STIM1: variants seen among roughly 807,000 people sequenced by gnomAD.
The protein encoded by STIM1 is stromal interaction molecule 1.
Under a neutral mutation model 74.7 loss-of-function variants are expected in STIM1, and 25 were observed. That is an observed-to-expected ratio of 0.33 (90% CI 0.24 to 0.47). STIM1 has a LOEUF of 0.47. STIM1 is among the 20% of genes least tolerant of loss of function. The pLI is 1.00. For missense variants in STIM1, 728 were observed against 920.8 expected (o/e 0.79, Z 2.71); for synonymous variants, 328 against 348.8 (o/e 0.94, Z 0.66).
At position 4,092,034 on chromosome 11, in the gene STIM1, C is replaced by G; in HGVS notation, c.*236C>G. The G allele has an allele frequency of 1.7e-6, 1 of 598,630 alleles. No individual in the cohort carries two copies. The highest frequency in any genetic ancestry group is 3.0e-6 in the Non-Finnish European group (1 of 336,810). 37.1% of individuals were successfully genotyped at this position (598,630 alleles called of 1,614,324 possible). A position where few individuals can be genotyped will look rare whatever the true frequency, so the allele number is the denominator to read the frequency against. On this transcript the variant is annotated 3_prime_UTR_variant, in exon 13 of 13. Coordinates refer to ENST00000526596, the MANE Select transcript of STIM1 (RefSeq NM_001382567.1). The stretch of plus-strand genomic sequence containing the variant: ...CGTCCCAACCATGGGCTGCTGCTGT[C>G]ACTCCCTCTCCACTTCAGTGCATGT...
chr11:4,028,673 G>A (rs555422107), intron 3 of STIM1, among the ~76,000 whole-genome samples: 6 of 150,450 alleles, frequency 4.0e-5, no homozygotes, highest in Admixed American at 4.0e-4. Context: ...GCCTTCCAAA[G>A]TTCTAGGATT....
intron 1 of STIM1, among the ~76,000 whole-genome samples, chr11:3,871,145 G>T (rs1237317122): frequency 6.6e-6 from 1 of 152,052 alleles, no homozygotes; most frequent in Non-Finnish European, 1.5e-5. Flanking sequence ...GGGATTACAG[G>T]CGTGAGCCAC....
At chr11:3,883,572 C>T (rs1269939730) in intron 1 of STIM1, among the ~76,000 whole-genome samples, 1 of 152,154 alleles carries the variant, frequency 6.6e-6, no homozygotes, top group African/African-American at 2.4e-5. Flanking sequence ...AGGCTGGTCT[C>T]GAACTCCTGA....
chr11:4,013,949 C>T (rs1012689827), intron 2 of STIM1, among the ~76,000 whole-genome samples: 5 of 151,804 alleles, frequency 3.3e-5, no homozygotes, highest in East Asian at 1.9e-4. Flanking sequence ...CCTCGTGATC[C>T]GCCCGTGTTG....
At chr11:3,936,238 G>T (rs1473730813) in intron 1 of STIM1, among the ~76,000 whole-genome samples, 1 of 152,210 alleles carries the variant, frequency 6.6e-6, no homozygotes, top group Non-Finnish European at 1.5e-5. Flanking sequence ...AATCCATGCT[G>T]TGTGACTGCA....
intron 1 of STIM1, among the ~76,000 whole-genome samples, chr11:3,953,564 G>A (rs1420724704): frequency 6.6e-6 from 1 of 152,120 alleles, no homozygotes; most frequent in African/African-American, 2.4e-5. Flanking sequence ...ATCTGGTTCT[G>A]CCACTTCTTT....
intron 2 of STIM1, among the ~76,000 whole-genome samples, chr11:3,970,336 G>A (rs1264110137): frequency 6.6e-6 from 1 of 152,062 alleles, no homozygotes; most frequent in Non-Finnish European, 1.5e-5. Flanking sequence ...TGCTGGTCTA[G>A]GTTTGCATGA....
chr11:3,872,687 A>G (rs1175276201), intron 1 of STIM1, among the ~76,000 whole-genome samples: 2 of 151,204 alleles, frequency 1.3e-5, no homozygotes, highest in African/African-American at 4.9e-5. Context: ...ACGCCCGGCT[A>G]ATTTTTTGTA....
chr11:3,910,973 G>A (rs969120785), intron 1 of STIM1, among the ~76,000 whole-genome samples: 2 of 152,130 alleles, frequency 1.3e-5, no homozygotes, highest in Admixed American at 1.3e-4. Flanking sequence ...GCAACAGAGC[G>A]AGACAAACAG....
intron 1 of STIM1, among the ~76,000 whole-genome samples, chr11:3,927,765 A>C (rs776008921): frequency 6.6e-6 from 1 of 152,202 alleles, no homozygotes; most frequent in Non-Finnish European, 1.5e-5. Flanking sequence ...TGTTCTCGGC[A>C]TCAATCCCTG....
At chr11:3,971,694 C>A (rs1203304159) in intron 2 of STIM1, among the ~76,000 whole-genome samples, 2 of 152,220 alleles carry the variant, frequency 1.3e-5, no homozygotes, top group African/African-American at 4.8e-5. Flanking sequence ...CCTGCCAGGA[C>A]AAACCAATGT....
chr11:4,058,244 C>G (rs937847246), intron 4 of STIM1, among the ~76,000 whole-genome samples: 1 of 152,164 alleles, frequency 6.6e-6, no homozygotes, highest in Non-Finnish European at 1.5e-5. Flanking sequence ...AACTTATGAT[C>G]AGACAAATGA....
At chr11:3,927,822 C>A (rs750526) in intron 1 of STIM1, among the ~76,000 whole-genome samples, 2 of 152,146 alleles carry the variant, frequency 1.3e-5, no homozygotes, top group Non-Finnish European at 2.9e-5. Flanking sequence ...TTGATAAGTT[C>A]TTTTTCTCCT....
At chr11:3,866,582 A>G (rs2090866272) in intron 1 of STIM1, among the ~76,000 whole-genome samples, 1 of 152,064 alleles carries the variant, frequency 6.6e-6, no homozygotes, top group Admixed American at 6.5e-5. Context: ...GCGTGCCACC[A>G]TGCCCAGCTA....
intron 6 of STIM1, among the ~76,000 whole-genome samples, chr11:4,071,465 T>C (rs148643993): frequency 1.3e-5 from 2 of 152,232 alleles, no homozygotes; most frequent in African/African-American, 4.8e-5. Flanking sequence ...ATCCTCCTGC[T>C]TCAGCCTCCT....
Position 3,901,160 on chromosome 11 carries a change from G to A in STIM1, c.139+44751G>A, listed in dbSNP as rs7104387. Among the ~76,000 whole-genome samples, 1,265 of 152,178 alleles carry A rather than the reference G, an allele frequency of 8.3e-3. 9 individuals are homozygous for A. Among genetic ancestry groups the A allele is most frequent in the African/African-American group, 0.028 (1,159 of 41,518 alleles). On this transcript the variant is annotated intron_variant, in intron 1 of 12. Coordinates refer to ENST00000526596, the MANE Select transcript of STIM1 (RefSeq NM_001382567.1). ...CACACCACTGCACTCCAGCCTGGGC[G>A]ACAGAGAGAGACTCAGCCTCAAAAA...
At chr11:4,043,288 G>A (rs759327697) in intron 3 of STIM1, among the ~76,000 whole-genome samples, 3 of 152,132 alleles carry the variant, frequency 2.0e-5, no homozygotes, top group African/African-American at 4.8e-5. Flanking sequence ...TAAAAGGTCT[G>A]TTCCTTTCTA....
chr11:3,967,913 A>G (rs1212763521), intron 2 of STIM1, among the ~76,000 whole-genome samples: 1 of 152,114 alleles, frequency 6.6e-6, no homozygotes, highest in Admixed American at 6.5e-5. Flanking sequence ...CCCCCTGCCT[A>G]CTGGCTAGTT....
intron 1 of STIM1, among the ~76,000 whole-genome samples, chr11:3,891,060 A>G (rs1402517591): frequency 6.6e-6 from 1 of 152,226 alleles, no homozygotes; most frequent in Non-Finnish European, 1.5e-5. Context: ...GCTAATTGTT[A>G]TGATAAGAAA....
Sources: gnomAD v4.1 joint callset for allele counts (sites outside exome capture counted in the v4.1 genomes callset) on GRCh38, gnomAD v4.1.1 for gene constraint, MANE v1.5 for transcripts, NCBI Gene and HGNC (gene_info 2026-07-23, HGNC 2026-07-21) for gene names.